Variants in CDH26 observed in about 807,000 individuals in gnomAD.
CDH26 encodes cadherin-like protein 26.
CDH26 carries 83 observed loss-of-function variants against 90.3 expected under a neutral mutation model. The observed-to-expected ratio is 0.92, with a 90% CI of 0.77 to 1.10. CDH26 has a LOEUF of 1.10. Ranked by LOEUF, CDH26 falls within the 50% of genes least tolerant of loss-of-function variation. CDH26 has a pLI of 0.00. For missense variants in CDH26, 1,013 were observed against 1,037.6 expected (o/e 0.98, Z 0.33); for synonymous variants, 397 against 396.3 (o/e 1.00, Z -0.02).
At chr20:59,985,224 A>T in intron 7 of CDH26, 95 bp downstream of exon 7, 1 of 1,438,722 alleles carries the variant, frequency 7.0e-7, no homozygotes, top group Non-Finnish European at 9.5e-7. Context: ...TTAGGCTGTT[A>T]TCATATTGCT....
intron 4 of CDH26, among the ~76,000 whole-genome samples, chr20:59,977,274 T>G (rs2061338168): frequency 6.6e-6 from 1 of 151,996 alleles, no homozygotes; most frequent in Non-Finnish European, 1.5e-5. Flanking sequence ...AGTTGACCCT[T>G]GAGAATCCAG....
chr20:59,982,835 G>C (rs1010788892), intron 4 of CDH26, 88 bp from the exon 5 acceptor site: 17 of 1,468,098 alleles, frequency 1.2e-5, no homozygotes, highest in Non-Finnish European at 1.6e-5. Flanking sequence ...GGAGACAGAC[G>C]TAACACATAA....
downstream of CDH26, among the ~76,000 whole-genome samples, chr20:60,019,468 C>T (rs1209131484): frequency 1.3e-5 from 2 of 152,110 alleles, no homozygotes; most frequent in African/African-American, 4.8e-5. Context: ...TCTGCTTGGT[C>T]TTGTCCATTG....
chr20:59,992,534 C>A lies in CDH26; in HGVS notation c.1426+14C>A. ...CTGTTGATGATGGTGAGTGTTTACCCAAAATTGGAAAAATAAAATGCTCAT... is the reference window on the plus strand; with the variant it reads ...CTGTTGATGATGGTGAGTGTTTACCAAAAATTGGAAAAATAAAATGCTCAT... On this transcript the variant is annotated intron_variant, in intron 10 of 17. Transcript: ENST00000348616. The surrounding 1 kb of genome is among the most constrained non-coding windows in gnomAD (Gnocchi z 5.0). 6.2e-7 allele frequency: 1 copy of A among 1,611,690 alleles called. No individual in the cohort carries two copies. The highest frequency in any genetic ancestry group is 1.1e-5 in the South Asian group (1 of 90,840).
intron 1 of CDH26, among the ~76,000 whole-genome samples, chr20:59,962,022 G>A (rs543378822): frequency 8.5e-4 from 130 of 152,310 alleles, no homozygotes; most frequent in African/African-American, 3.0e-3. Context: ...TGCTCTGACT[G>A]AATTACTCTT....
rs1360289584 is a variant in CDH26 at position 59,994,586 on chromosome 20, C to A, written c.1666+97C>A. ...AAAAGGACTTTATTAGCTTAAAAAA[C>A]CGGAGAGGTCTGCGTTCTGGCAGAG... On this transcript the variant is annotated intron_variant, in intron 11 of 17. Coordinates refer to ENST00000348616, the MANE Select transcript of CDH26 (RefSeq NM_177980.4). 8.9e-6 allele frequency: 13 copies of A among 1,459,116 alleles called. No individual in the cohort carries two copies. In the South Asian group the frequency reaches 1.6e-4, roughly 18 times the overall value. 90.4% of individuals were successfully genotyped at this position (1,459,116 alleles called of 1,614,324 possible). A position where few individuals can be genotyped will look rare whatever the true frequency, so the allele number is the denominator to read the frequency against.
At chr20:60,007,159 C>A (rs1216708318) in intron 17 of CDH26, among the ~76,000 whole-genome samples, 1 of 152,174 alleles carries the variant, frequency 6.6e-6, no homozygotes, top group African/African-American at 2.4e-5. Context: ...ATGAGCTCAT[C>A]TAAACCTAAT....
chr20:59,970,799 C>T (rs1409337855), intron 3 of CDH26, among the ~76,000 whole-genome samples: 2 of 149,524 alleles, frequency 1.3e-5, no homozygotes, highest in African/African-American at 2.5e-5. Context: ...GACAGCGAGA[C>T]TCTGTCTCAA....
chr20:59,977,427 A>T (rs1056902828), intron 4 of CDH26, among the ~76,000 whole-genome samples: 5 of 152,140 alleles, frequency 3.3e-5, no homozygotes, highest in Non-Finnish European at 7.3e-5. Context: ...CACCCTTTAT[A>T]CTAGAGCAAT....
downstream of CDH26, among the ~76,000 whole-genome samples, chr20:60,015,110 A>G (rs1479011858): frequency 6.6e-6 from 1 of 152,140 alleles, no homozygotes; most frequent in African/African-American, 2.4e-5. Flanking sequence ...TCAGCCTCCC[A>G]AGTAGCTGGG....
At chr20:60,035,546 C>T (rs2062075740), downstream of CDH26, among the ~76,000 whole-genome samples, 1 of 151,988 alleles carries the variant, frequency 6.6e-6, no homozygotes, top group African/African-American at 2.4e-5. Flanking sequence ...TGTGAACTGC[C>T]TGTTTTTGTC....
intron 1 of CDH26, among the ~76,000 whole-genome samples, chr20:59,959,712 G>T (rs1284073141): frequency 1.3e-5 from 2 of 152,266 alleles, no homozygotes; most frequent in African/African-American, 2.4e-5. Flanking sequence ...GTTTTATAAT[G>T]ATACTTCTGT....
chr20:59,958,873 C>G, intron 1 of CDH26, 78 bp downstream of exon 1: 2 of 1,441,992 alleles, frequency 1.4e-6, no homozygotes. Context: ...CCCTTCTAGG[C>G]TAAGGGAGGG....
chr20:59,965,184 G>C (rs1247864925), intron 1 of CDH26, among the ~76,000 whole-genome samples: 1 of 152,110 alleles, frequency 6.6e-6, no homozygotes, highest in East Asian at 1.9e-4. Flanking sequence ...ATTATCGTTA[G>C]CCCTGATGCT....
rs1165249627 is a variant in CDH26 at position 59,987,603 on chromosome 20, C to G, written c.988C>G (p.Pro330Ala). ...EEGHFDISTD[P>A]ETNEGILNVI... ...GGGGCATTTTGACATTTCGACTGAC[C>G]CTGAGACCAACGAAGGGATATTAAA... Residue 330 changes from proline (P) to alanine (A), a missense_variant, in exon 8 of 18, where the codon CCT (proline) becomes GCT (alanine). Physicochemically the swap from Pro to Ala is conservative, Grantham distance 27. Coordinates refer to ENST00000348616, the MANE Select transcript of CDH26 (RefSeq NM_177980.4). The G allele has an allele frequency of 6.2e-7, 1 of 1,613,384 alleles. No individual in the cohort carries two copies. Among genetic ancestry groups the G allele is most frequent in the East Asian group, 2.2e-5 (1 of 44,840 alleles).
intron 4 of CDH26, among the ~76,000 whole-genome samples, chr20:59,978,506 G>A (rs1366559494): frequency 6.6e-6 from 1 of 151,590 alleles, no homozygotes; most frequent in Non-Finnish European, 1.5e-5. Flanking sequence ...CTCCCGAGTA[G>A]TGGGATTACA....
chr20:59,971,021 A>C (rs2145974683), intron 3 of CDH26, among the ~76,000 whole-genome samples: 1 of 152,154 alleles, frequency 6.6e-6, no homozygotes, highest in East Asian at 1.9e-4. Context: ...GAGGGTGAGC[A>C]CTGCCTTGAA....
At chr20:59,967,841 CT>C (rs1166269430) in intron 1 of CDH26, among the ~76,000 whole-genome samples, 2 of 82,894 alleles carry the variant, frequency 2.4e-5, no homozygotes, top group Admixed American at 1.5e-4. Flanking sequence ...TTCTTTCTTT[CT>C]TTCTTTCTTT....
intron 17 of CDH26, among the ~76,000 whole-genome samples, chr20:60,010,775 C>T (rs1015773332): frequency 6.6e-6 from 1 of 152,138 alleles, no homozygotes; most frequent in Non-Finnish European, 1.5e-5. Context: ...GCCATGGCAA[C>T]CCCAGAGCAG....
Sources: gnomAD v4.1 joint callset for allele counts (sites outside exome capture counted in the v4.1 genomes callset) on GRCh38, gnomAD v4.1.1 for gene constraint, Gnocchi (gnomAD v3.1) non-coding constraint, MANE v1.5 for transcripts, NCBI Gene and HGNC (gene_info 2026-07-23, HGNC 2026-07-21) for gene names.